The following REV3L variants were observed in gnomAD, a reference collection of about 807,000 sequenced individuals.
REV3L encodes DNA polymerase zeta catalytic subunit.
Under a neutral mutation model 299.4 loss-of-function variants are expected in REV3L, and 69 were observed. The ratio of observed to expected loss-of-function variants is 0.23; its 90% CI spans 0.19 to 0.28. The LOEUF is 0.28. Ranked by LOEUF, REV3L falls within the 10% of genes least tolerant of loss-of-function variation. The pLI is 1.00. For synonymous variants in REV3L, 1,238 were observed against 1,271.4 expected (o/e 0.97, Z 0.56); for missense variants, 3,128 against 3,693.8 (o/e 0.85, Z 3.97).
chr6:111,345,035 C>T (rs1212548230), intron 20 of REV3L, among the ~76,000 whole-genome samples: 1 of 152,062 alleles, frequency 6.6e-6, no homozygotes, highest in Non-Finnish European at 1.5e-5. Flanking sequence ...TACACAGATG[C>T]CCCTCATAGG....
At chr6:111,435,867 G>C (rs1188604548) in intron 1 of REV3L, among the ~76,000 whole-genome samples, 1 of 152,116 alleles carries the variant, frequency 6.6e-6, no homozygotes, top group Non-Finnish European at 1.5e-5. Flanking sequence ...AAGTGATAAA[G>C]ACAATTCATA....
At position 111,479,589 on chromosome 6, in the gene REV3L, A is replaced by G. The variant is rs570807502; in HGVS notation, c.139+3161T>C. On this transcript the variant is annotated intron_variant, in intron 1 of 31. Coordinates refer to ENST00000368802, the MANE Select transcript of REV3L (RefSeq NM_001372078.1). ...CAGTGGCGTGATCTTGGCTCACTGC[A>G]GCCTCAACCTTCTGGGCTGAAGCGA... Among the ~76,000 whole-genome samples, 6 of 145,456 alleles carry G rather than the reference A, an allele frequency of 4.1e-5. No individual in the cohort carries two copies. The East Asian group carries it at 1.3e-3, about 31-fold the overall frequency.
Position 111,367,965 on chromosome 6 carries a change from C to T in REV3L, c.5823G>A (p.Glu1941=), listed in dbSNP as rs749200664. ...TRLANDLAEF[E]GDFSLEGLRL... ...GAAGTCCTTCCAAGGAAAAGTCTCC[C>T]TCAAACTCAGCCAGATCATTTGCAA... is the stretch of plus-strand genomic sequence containing the variant. Residue 1941 remains glutamate, a synonymous_variant, in exon 14 of 32, where the codon GAG becomes GAA. Coordinates refer to ENST00000368802, the MANE Select transcript of REV3L (RefSeq NM_001372078.1). 1.9e-6 allele frequency: 3 copies of T among 1,613,820 alleles called. No homozygotes were observed. The highest frequency in any genetic ancestry group is 2.5e-6 in the Non-Finnish European group (3 of 1,179,898).
chr6:111,453,563 T>C (rs1294021227), intron 1 of REV3L, among the ~76,000 whole-genome samples: 1 of 152,218 alleles, frequency 6.6e-6, no homozygotes, highest in Non-Finnish European at 1.5e-5. Context: ...AGTCTCACAA[T>C]GCCATACTGC....
chr6:111,388,557 T>C (rs1781574355), intron 7 of REV3L, among the ~76,000 whole-genome samples: 2 of 152,220 alleles, frequency 1.3e-5, no homozygotes, highest in African/African-American at 4.8e-5. Context: ...TTTACCTTTA[T>C]TTTTAAAACT....
At chr6:111,451,340 T>G (rs949721698) in intron 1 of REV3L, among the ~76,000 whole-genome samples, 2 of 152,214 alleles carry the variant, frequency 1.3e-5, no homozygotes, top group African/African-American at 4.8e-5. Context: ...CTTCTGGGCT[T>G]AAATTCCCTA....
chr6:111,415,530 G>A (rs1000308476), intron 2 of REV3L, among the ~76,000 whole-genome samples: 1 of 152,096 alleles, frequency 6.6e-6, no homozygotes, highest in Non-Finnish European at 1.5e-5. Context: ...GTAAAACTAG[G>A]TAAAGCTAAT....
intron 24 of REV3L, 142 bp downstream of exon 24, chr6:111,331,534 A>G (rs546895514): frequency 7.4e-5 from 38 of 512,996 alleles, no homozygotes; most frequent in African/African-American, 6.3e-4. Flanking sequence ...GAAGATTCTC[A>G]TATCTTTGAC....
At chr6:111,326,141 A>G (rs1774776188) in intron 25 of REV3L, among the ~76,000 whole-genome samples, 2 of 152,244 alleles carry the variant, frequency 1.3e-5, no homozygotes, top group African/African-American at 4.8e-5. Context: ...ATGGGATCAC[A>G]TAAAGCTAAA....
rs1242132169 is a variant in REV3L at position 111,376,064 on chromosome 6, G to A, written c.2291C>T (p.Ala764Val). 1.2e-6 allele frequency: 2 copies of A among 1,613,840 alleles called. No homozygotes were observed. The change falls in exon 13 of 32, where the codon GCT (alanine) becomes GTT (valine). Residue 764 changes from alanine (A) to valine (V), a missense_variant. Transcript: ENST00000368802. ...AAGTTTATTTAGTCCACTTTCATCAGCAGTGCTATTAAGAGAATGCACCAT... is the reference window on the plus strand; with the variant it reads ...AAGTTTATTTAGTCCACTTTCATCAACAGTGCTATTAAGAGAATGCACCAT... ...RTMVHSLNST[A>V]DESGLNKLKI...
At chr6:111,448,461 G>A (rs1390048418) in intron 1 of REV3L, among the ~76,000 whole-genome samples, 2 of 151,714 alleles carry the variant, frequency 1.3e-5, no homozygotes, top group Non-Finnish European at 2.9e-5. Context: ...CAGCCTCCTG[G>A]GTAGCTGGGA....
In REV3L at chr6:111,482,907, T is replaced by C. The variant is rs376257829; in HGVS notation, c.-19A>G. The C allele has an allele frequency of 3.8e-5, 58 of 1,509,914 alleles. No individual in the cohort carries two copies. Among genetic ancestry groups the C allele is most frequent in the South Asian group, 9.2e-5 (7 of 75,752 alleles). 93.5% of individuals were successfully genotyped at this position (1,509,914 alleles called of 1,614,324 possible). ...AAAACATGTTCGCCGCCGCCGCCACTGCCTCCCTTCACTGGCGACCCGGCA... is the reference window on the plus strand; with the variant it reads ...AAAACATGTTCGCCGCCGCCGCCACCGCCTCCCTTCACTGGCGACCCGGCA... On this transcript the variant is annotated 5_prime_UTR_variant, in exon 1 of 32. Coordinates refer to ENST00000368802, the MANE Select transcript of REV3L (RefSeq NM_001372078.1).
At position 111,315,345 on chromosome 6, in the gene REV3L, C is replaced by T; in HGVS notation, c.8388G>A (p.Gln2796=). ...CAATTTCCTGACCAATCTTAAAAGACTGCTCCTTAGTGGCTCCTTTCAGTA... is the reference window on the plus strand; with the variant it reads ...CAATTTCCTGACCAATCTTAAAAGATTGCTCCTTAGTGGCTCCTTTCAGTA... ...FVLLKGATKE[Q]SFKIGQEIAE... Residue 2796 remains glutamine, a synonymous_variant, in exon 27 of 32, where the codon CAG becomes CAA. Transcript: ENST00000368802. 2 of 1,614,030 alleles carry T rather than the reference C, an allele frequency of 1.2e-6. No homozygotes were observed. The highest frequency in any genetic ancestry group is 1.7e-6 in the Non-Finnish European group (2 of 1,179,984).
intron 1 of REV3L, among the ~76,000 whole-genome samples, chr6:111,477,615 C>A (rs974945888): frequency 6.6e-6 from 1 of 152,188 alleles, no homozygotes; most frequent in Non-Finnish European, 1.5e-5. Context: ...AAGAGTAAGT[C>A]AAGAACATGG....
intron 1 of REV3L, among the ~76,000 whole-genome samples, chr6:111,447,620 G>A (rs1469840311): frequency 6.6e-6 from 1 of 152,182 alleles, no homozygotes; most frequent in African/African-American, 2.4e-5. Context: ...GTGGGTCACA[G>A]TGAACCTTTG....
At chr6:111,318,751 G>T (rs1280089090) in intron 26 of REV3L, among the ~76,000 whole-genome samples, 1 of 151,972 alleles carries the variant, frequency 6.6e-6, no homozygotes, top group African/African-American at 2.4e-5. Context: ...TGTATTTTTA[G>T]TAGAGACGGG....
chr6:111,450,730 A>AC (rs1789435162), intron 1 of REV3L, among the ~76,000 whole-genome samples: 3 of 152,200 alleles, frequency 2.0e-5, no homozygotes, highest in Non-Finnish European at 2.9e-5. Flanking sequence ...GGATAATTAA[A>AC]GAAAAAAACT....
chr6:111,477,820 AACAGATCAGAAGGGGACAAAGT>A (rs1266961465), intron 1 of REV3L, among the ~76,000 whole-genome samples: 2 of 152,218 alleles, frequency 1.3e-5, no homozygotes, highest in Non-Finnish European at 2.9e-5. Context: ...CAGTGTAGGA[AACAGATCAGAAGGGGACAAAGT>A]AGATTGGGAT....
At chr6:111,464,222 G>C (rs2128328637) in intron 1 of REV3L, among the ~76,000 whole-genome samples, 1 of 152,294 alleles carries the variant, frequency 6.6e-6, no homozygotes, top group African/African-American at 2.4e-5. Context: ...CAATCCAGTA[G>C]AGGTACACTA....
Sources: gnomAD v4.1 joint callset for allele counts (sites outside exome capture counted in the v4.1 genomes callset) on GRCh38, gnomAD v4.1.1 for gene constraint, MANE v1.5 for transcripts, NCBI Gene and HGNC (gene_info 2026-07-23, HGNC 2026-07-21) for gene names.